The following PTPRD variants were observed in gnomAD, a reference collection of about 807,000 sequenced individuals.
The protein encoded by PTPRD is protein tyrosine phosphatase receptor type D.
A neutral mutation model predicts 214.5 loss-of-function variants in PTPRD; 34 were observed. The ratio of observed to expected loss-of-function variants is 0.16; its 90% CI spans 0.12 to 0.21. PTPRD has a LOEUF of 0.21. Among genes scored for constraint, PTPRD ranks in the 10% least tolerant of loss-of-function variants. The pLI is 1.00. For missense variants in PTPRD, 2,545 were observed against 2,398.7 expected (o/e 1.06, Z -1.27); for synonymous variants, 1,128 against 845.7 (o/e 1.33, Z -5.79).
At chr9:10,231,509 C>A (rs1181434057) in intron 3 of PTPRD, among the ~76,000 whole-genome samples, 1 of 151,828 alleles carries the variant, frequency 6.6e-6, no homozygotes, top group Non-Finnish European at 1.5e-5. Flanking sequence ...TTGGTGAGTT[C>A]TTGGACAGAA....
intron 3 of PTPRD, among the ~76,000 whole-genome samples, chr9:10,299,724 G>A (rs1014157050): frequency 1.3e-5 from 2 of 152,048 alleles, no homozygotes; most frequent in African/African-American, 2.4e-5. Context: ...TTTTATAGCT[G>A]GAAGCAGATA....
intron 29 of PTPRD, 103 bp downstream of exon 29, chr9:8,485,124 T>C: frequency 2.3e-6 from 2 of 879,814 alleles, no homozygotes; most frequent in African/African-American, 1.7e-5. Flanking sequence ...CAAGGACACG[T>C]GGCCAAAACA....
chr9:9,079,469 A>T (rs1038035313), intron 10 of PTPRD, among the ~76,000 whole-genome samples: 3 of 152,106 alleles, frequency 2.0e-5, no homozygotes, highest in Admixed American at 1.3e-4. Context: ...AGTAGATGTG[A>T]GATGCAGATG....
At chr9:10,468,944 G>T (rs2099012523) in intron 2 of PTPRD, among the ~76,000 whole-genome samples, 1 of 152,044 alleles carries the variant, frequency 6.6e-6, no homozygotes, top group Admixed American at 6.6e-5. Flanking sequence ...ATCCATTTAT[G>T]GAATGGATGT....
intron 8 of PTPRD, among the ~76,000 whole-genome samples, chr9:9,546,788 A>G (rs1275820588): frequency 6.6e-6 from 1 of 151,824 alleles, no homozygotes; most frequent in Non-Finnish European, 1.5e-5. Flanking sequence ...CTATAATGAA[A>G]AATTTTAAAT....
chr9:10,515,306 T>C (rs1187861208), intron 2 of PTPRD, among the ~76,000 whole-genome samples: 3 of 151,982 alleles, frequency 2.0e-5, no homozygotes, highest in East Asian at 1.9e-4. Flanking sequence ...TCCATGTCTT[T>C]TGAAAAATGC....
At chr9:10,113,078 T>A (rs535300481) in intron 3 of PTPRD, among the ~76,000 whole-genome samples, 1 of 152,274 alleles carries the variant, frequency 6.6e-6, no homozygotes, top group South Asian at 2.1e-4. Flanking sequence ...CAAAGTTCCT[T>A]TAGTCTCAGC....
chr9:9,855,362 A>T (rs894301635), intron 5 of PTPRD, among the ~76,000 whole-genome samples: 5 of 152,144 alleles, frequency 3.3e-5, no homozygotes, highest in African/African-American at 1.2e-4. Flanking sequence ...GAGTAAAACA[A>T]AGGGGAGGAG....
At chr9:9,910,106 T>G (rs953946983) in intron 5 of PTPRD, among the ~76,000 whole-genome samples, 4 of 151,954 alleles carry the variant, frequency 2.6e-5, no homozygotes, top group Admixed American at 2.6e-4. Flanking sequence ...AGTTTGTACC[T>G]CAGCTTTCAT....
chr9:9,599,887 C>G (rs1033227835), intron 7 of PTPRD, among the ~76,000 whole-genome samples: 1 of 151,858 alleles, frequency 6.6e-6, no homozygotes, highest in African/African-American at 2.4e-5. Context: ...AATTGTAAAA[C>G]TCAATTTAAG....
intron 10 of PTPRD, among the ~76,000 whole-genome samples, chr9:9,077,563 C>G (rs761037191): frequency 6.6e-6 from 1 of 151,992 alleles, no homozygotes; most frequent in Non-Finnish European, 1.5e-5. Context: ...TAGAGATCCA[C>G]AAAAATTGAT....
At chr9:9,840,699 C>T (rs1027057588) in intron 5 of PTPRD, among the ~76,000 whole-genome samples, 9 of 124,760 alleles carry the variant, frequency 7.2e-5, no homozygotes, top group African/African-American at 2.7e-4. Flanking sequence ...GGAGGCAGAG[C>T]TTGCATTGAG....
chr9:9,919,062 T>G (rs1198909182), intron 5 of PTPRD, among the ~76,000 whole-genome samples: 3 of 152,124 alleles, frequency 2.0e-5, no homozygotes, highest in Non-Finnish European at 2.9e-5. Context: ...TTTGCTAATG[T>G]TAAACAACTA....
chr9:10,165,489 C>T (rs2099153270), intron 3 of PTPRD, among the ~76,000 whole-genome samples: 1 of 151,678 alleles, frequency 6.6e-6, no homozygotes, highest in Admixed American at 6.6e-5. Flanking sequence ...AAATATTTAG[C>T]TCTGTGTAGA....
At chr9:9,686,563 G>T (rs2097170682) in intron 7 of PTPRD, among the ~76,000 whole-genome samples, 1 of 151,458 alleles carries the variant, frequency 6.6e-6, no homozygotes, top group African/African-American at 2.4e-5. Context: ...TCACCTTTGT[G>T]GTGGCTAATA....
At chr9:9,278,478 T>C (rs2133382955) in intron 9 of PTPRD, among the ~76,000 whole-genome samples, 1 of 151,454 alleles carries the variant, frequency 6.6e-6, no homozygotes, top group East Asian at 2.0e-4. Context: ...GTTTACTTTA[T>C]TAAAATTAAG....
At chr9:8,486,895 G>C (rs1212751779) in intron 27 of PTPRD, among the ~76,000 whole-genome samples, 1 of 151,918 alleles carries the variant, frequency 6.6e-6, no homozygotes, top group African/African-American at 2.4e-5. Flanking sequence ...ACTTTCCAAG[G>C]CTAGCATGTA....
At chr9:8,499,959 T>G (rs1380061642) in intron 24 of PTPRD, 119 bp from the exon 25 acceptor site, 2 of 717,328 alleles carry the variant, frequency 2.8e-6, no homozygotes, top group Non-Finnish European at 2.1e-6. Context: ...CCACTATGTT[T>G]TCTTTGAAGA....
At chr9:10,139,490 T>C (rs1376421239) in intron 3 of PTPRD, among the ~76,000 whole-genome samples, 1 of 151,674 alleles carries the variant, frequency 6.6e-6, no homozygotes, top group Non-Finnish European at 1.5e-5. Context: ...TACCAAACTA[T>C]CAACATCATT....
Sources: gnomAD v4.1 joint callset for allele counts (sites outside exome capture counted in the v4.1 genomes callset) on GRCh38, gnomAD v4.1.1 for gene constraint, MANE v1.5 for transcripts, NCBI Gene and HGNC (gene_info 2026-07-23, HGNC 2026-07-21) for gene names.